Variants in ANGPT1 observed in about 807,000 individuals in gnomAD.
ANGPT1 encodes the protein angiopoietin 1, also known as angiopoietin-1.
ANGPT1 carries 17 observed loss-of-function variants against 62.2 expected under a neutral mutation model. That is an observed-to-expected ratio of 0.27 (90% CI 0.19 to 0.41). The LOEUF is 0.41. Among genes scored for constraint, ANGPT1 ranks in the 10% least tolerant of loss-of-function variants. The pLI is 1.00. For synonymous variants in ANGPT1, 199 were observed against 198.9 expected, an observed-to-expected ratio of 1.00 and a Z score of 0.00; for missense variants, 478 against 594.9, an observed-to-expected ratio of 0.80 and a Z score of 2.04.
chr8:107,274,144 G>C (rs1329427634), intron 7 of ANGPT1, among the ~76,000 whole-genome samples: 1 of 152,106 alleles, frequency 6.6e-6, no homozygotes, highest in East Asian at 1.9e-4. Context: ...TGGTGCACTT[G>C]ATAGGACTGA....
intron 5 of ANGPT1, among the ~76,000 whole-genome samples, chr8:107,299,910 G>C (rs1430884299): frequency 8.0e-6 from 1 of 124,724 alleles, no homozygotes; most frequent in African/African-American, 3.0e-5. Context: ...GTTATATCTA[G>C]ATATACTATA....
intron 8 of ANGPT1, among the ~76,000 whole-genome samples, chr8:107,261,264 G>A (rs1813483468): frequency 1.3e-5 from 1 of 74,266 alleles, no homozygotes; most frequent in South Asian, 4.6e-4. Context: ...CCTACCTTGT[G>A]TGTACCATTT....
intron 1 of ANGPT1, among the ~76,000 whole-genome samples, chr8:107,445,952 C>A (rs1177203019): frequency 6.6e-6 from 1 of 152,130 alleles, no homozygotes; most frequent in East Asian, 1.9e-4. Flanking sequence ...AAGTCTAGCT[C>A]TGTCACCCAG....
At chr8:107,345,999 T>G (rs1815796409) in intron 2 of ANGPT1, among the ~76,000 whole-genome samples, 1 of 152,170 alleles carries the variant, frequency 6.6e-6, no homozygotes, top group South Asian at 2.1e-4. Flanking sequence ...TCACTCAAGC[T>G]AGTGATTTCT....
chr8:107,494,667 C>T (rs1289959749), intron 1 of ANGPT1: 1 of 152,152 alleles, frequency 6.6e-6, no homozygotes, highest in Non-Finnish European at 1.5e-5. Context: ...TGGTGACCCA[C>T]AAATCATTTG....
At chr8:107,332,636 C>T (rs1815450684) in intron 3 of ANGPT1, among the ~76,000 whole-genome samples, 1 of 152,154 alleles carries the variant, frequency 6.6e-6, no homozygotes, top group Non-Finnish European at 1.5e-5. Flanking sequence ...ATAAAATATT[C>T]CTCCTCATTT....
chr8:107,343,986 C>T (rs1055555693), intron 2 of ANGPT1, among the ~76,000 whole-genome samples: 5 of 152,078 alleles, frequency 3.3e-5, no homozygotes, highest in African/African-American at 4.8e-5. Flanking sequence ...CACCTGAGAC[C>T]AGAAGGTTGA....
At chr8:107,265,042 A>G (rs1813581548) in intron 7 of ANGPT1, among the ~76,000 whole-genome samples, 1 of 152,174 alleles carries the variant, frequency 6.6e-6, no homozygotes, top group Non-Finnish European at 1.5e-5. Flanking sequence ...CTTTTGAGGG[A>G]CTTGTATTCT....
chr8:107,475,532 A>C (rs770404673), intron 1 of ANGPT1, among the ~76,000 whole-genome samples: 2 of 152,208 alleles, frequency 1.3e-5, no homozygotes, highest in Non-Finnish European at 2.9e-5. Flanking sequence ...ATGGGCAAGG[A>C]CTTCATGTCT....
chr8:107,426,383 G>T (rs1339354114), intron 1 of ANGPT1, among the ~76,000 whole-genome samples: 1 of 152,170 alleles, frequency 6.6e-6, no homozygotes, highest in Non-Finnish European at 1.5e-5. Flanking sequence ...GAAAGTGGGC[G>T]GGTGATCCAA....
intron 1 of ANGPT1, among the ~76,000 whole-genome samples, chr8:107,372,781 G>A (rs1053764375): frequency 1.3e-5 from 2 of 151,432 alleles, no homozygotes; most frequent in African/African-American, 4.9e-5. Flanking sequence ...GTAGCTCACC[G>A]ACATTACATT....
intron 1 of ANGPT1, among the ~76,000 whole-genome samples, chr8:107,476,425 G>C (rs1254369882): frequency 6.6e-6 from 1 of 152,046 alleles, no homozygotes; most frequent in African/African-American, 2.4e-5. Context: ...TCACACACCA[G>C]GGCCTGTCAT....
intron 1 of ANGPT1, among the ~76,000 whole-genome samples, chr8:107,374,970 G>A (rs770157605): frequency 2.6e-5 from 4 of 152,146 alleles, no homozygotes; most frequent in African/African-American, 9.7e-5. Flanking sequence ...GACCAGCCTG[G>A]CCAACATGGT....
At chr8:107,405,821 T>C (rs1221275066) in intron 1 of ANGPT1, among the ~76,000 whole-genome samples, 4 of 151,938 alleles carry the variant, frequency 2.6e-5, no homozygotes, top group Non-Finnish European at 5.9e-5. Flanking sequence ...ATTTAAATTT[T>C]TTATTTAAAA....
intron 1 of ANGPT1, among the ~76,000 whole-genome samples, chr8:107,476,717 A>G (rs1329661124): frequency 2.6e-5 from 4 of 152,206 alleles, no homozygotes; most frequent in Non-Finnish European, 4.4e-5. Context: ...GTCATCTGAA[A>G]TTAAACAGCT....
At position 107,257,891 on chromosome 8, in the gene ANGPT1, G is replaced by GT. The variant is rs1554576258; in HGVS notation, c.1337-5877dup. On this transcript the variant is annotated intron_variant, in intron 8 of 8. Coordinates refer to ENST00000517746, the MANE Select transcript of ANGPT1 (RefSeq NM_001146.5). ...ACTTGTTTTTGTTTCTTTTTTGTTT[G>GT]TTTGTTTGTTTGTTTGTTTTTGACT... Among the ~76,000 whole-genome samples, 207 of 107,802 alleles carry GT rather than the reference G, an allele frequency of 1.9e-3. 4 individuals carry two copies. Among genetic ancestry groups the GT allele is most frequent in the African/African-American group, 4.0e-3 (117 of 29,616 alleles). The allele number at this position is 107,802 out of a possible 152,430, so 70.7% of individuals were successfully genotyped here.
At chr8:107,486,836 T>C (rs1812828239) in intron 1 of ANGPT1, among the ~76,000 whole-genome samples, 1 of 152,184 alleles carries the variant, frequency 6.6e-6, no homozygotes, top group African/African-American at 2.4e-5. Flanking sequence ...ACAATGTCCT[T>C]GCTTTTAAGT....
chr8:107,371,964 T>C (rs1272035557), intron 1 of ANGPT1, among the ~76,000 whole-genome samples: 1 of 152,176 alleles, frequency 6.6e-6, no homozygotes, highest in Non-Finnish European at 1.5e-5. Flanking sequence ...CCTTATAAGC[T>C]GAGGTGATGA....
intron 7 of ANGPT1, among the ~76,000 whole-genome samples, chr8:107,268,972 G>A (rs552257595): frequency 6.6e-6 from 1 of 152,216 alleles, no homozygotes; most frequent in South Asian, 2.1e-4. Context: ...GCATGTCACA[G>A]AGGAGCGGCT....
Sources: gnomAD v4.1 joint callset for allele counts (sites outside exome capture counted in the v4.1 genomes callset) on GRCh38, gnomAD v4.1.1 for gene constraint, MANE v1.5 for transcripts, NCBI Gene and HGNC (gene_info 2026-07-23, HGNC 2026-07-21) for gene names.